The following CNTN6 variants were observed in gnomAD, a reference collection of about 807,000 sequenced individuals.
CNTN6 encodes contactin-6.
Under a neutral mutation model 122.8 loss-of-function variants are expected in CNTN6, and 137 were observed. That is an observed-to-expected ratio of 1.12 (90% confidence interval 0.97 to 1.29). The LOEUF is 1.29. Ranked by LOEUF, CNTN6 falls within the 50% of genes most tolerant of loss-of-function variation. The pLI is 0.00. For missense variants in CNTN6, 1,634 were observed against 1,223.4 expected, an observed-to-expected ratio of 1.34 and a Z score of -5.01; for synonymous variants, 570 against 426.0, an observed-to-expected ratio of 1.34 and a Z score of -4.16.
chr3:1,321,580 A>G (rs1004623743), intron 7 of CNTN6, 70 bp from the exon 8 acceptor site: 4 of 1,334,342 alleles, frequency 3.0e-6, no homozygotes, highest in Middle Eastern at 1.9e-4. Context: ...ATTTGTATGG[A>G]TGCTCTTCTT....
intron 8 of CNTN6, among the ~76,000 whole-genome samples, chr3:1,322,324 A>G (rs1403785363): frequency 2.0e-5 from 3 of 151,736 alleles, no homozygotes; most frequent in Non-Finnish European, 1.5e-5. Flanking sequence ...ATTTAAAATT[A>G]TGTTTGTCTC....
rs185783414 is a variant in CNTN6, at chr3:1,282,703, C to G, written c.454+4195C>G. Among the ~76,000 whole-genome samples the G allele has an allele frequency of 2.0e-5, 3 of 152,274 alleles. No homozygotes were observed. In the East Asian group the frequency reaches 5.8e-4, roughly 29 times the overall value. ...AAACTTCACTAAGATTCCTGTTAAA[C>G]GTCTCCTTCATTCCTCCTAAACGCT... On this transcript the variant is annotated intron_variant, in intron 5 of 22. Transcript: ENST00000446702.
intron 11 of CNTN6, among the ~76,000 whole-genome samples, chr3:1,330,249 C>T (rs908841611): frequency 3.3e-5 from 5 of 151,908 alleles, no homozygotes; most frequent in African/African-American, 9.7e-5. Flanking sequence ...GCTGAGAAAT[C>T]AGTGCGAATA....
At chr3:1,252,846 C>G (rs566634721) in intron 4 of CNTN6, among the ~76,000 whole-genome samples, 1 of 152,132 alleles carries the variant, frequency 6.6e-6, no homozygotes, top group African/African-American at 2.4e-5. Flanking sequence ...TCTCCGAGAA[C>G]CTTCAGGCTG....
intron 17 of CNTN6, among the ~76,000 whole-genome samples, chr3:1,381,939 A>G (rs1430250063): frequency 7.9e-6 from 1 of 125,878 alleles, no homozygotes; most frequent in African/African-American, 3.1e-5. Context: ...GGCGCTCGTG[A>G]ATTGGTGCTC....
Position 1,137,580 on chromosome 3 carries a change from A to C in CNTN6, c.-82-10347A>C, listed in dbSNP as rs145454673. Among the ~76,000 whole-genome samples, 589 of 152,240 alleles carry C rather than the reference A, an allele frequency of 3.9e-3. 4 individuals carry two copies. The highest frequency in any genetic ancestry group is 0.013 in the African/African-American group (558 of 41,544). ...AAATATTATTTATAATATACTAGAA[A>C]AGGTGTCATTTATCTATTCCTAGTC... On this transcript the variant is annotated intron_variant, in intron 1 of 22. Coordinates refer to ENST00000446702, the MANE Select transcript of CNTN6 (RefSeq NM_001289080.2).
At chr3:1,321,605 T>A (rs767498119) in intron 7 of CNTN6, 45 bp from the exon 8 acceptor site, 1 of 1,495,194 alleles carries the variant, frequency 6.7e-7, no homozygotes, top group East Asian at 2.4e-5. Flanking sequence ...TTTGCTGTCA[T>A]AAAGATTAAA....
chr3:1,401,569 A>T, intron 21 of CNTN6, 24 bp downstream of exon 21: 1 of 1,502,092 alleles, frequency 6.7e-7, no homozygotes, highest in South Asian at 1.2e-5. Flanking sequence ...TTTTCCTTTA[A>T]TCATATCAAT....
At chr3:1,144,149 T>C (rs888869396) in intron 1 of CNTN6, among the ~76,000 whole-genome samples, 7 of 152,196 alleles carry the variant, frequency 4.6e-5, no homozygotes, top group Admixed American at 2.0e-4. Flanking sequence ...GTGTTACACA[T>C]GGTGTTTATC....
At chr3:1,165,386 G>A (rs2093223826) in intron 2 of CNTN6, among the ~76,000 whole-genome samples, 1 of 152,098 alleles carries the variant, frequency 6.6e-6, no homozygotes, top group East Asian at 1.9e-4. Context: ...TTGCAAATGA[G>A]TTTCAATGGT....
At chr3:1,371,078 A>G (rs186315663) in intron 12 of CNTN6, among the ~76,000 whole-genome samples, 1 of 152,226 alleles carries the variant, frequency 6.6e-6, no homozygotes, top group East Asian at 1.9e-4. Context: ...CTAAATATTT[A>G]TGAATGAAGA....
intron 2 of CNTN6, among the ~76,000 whole-genome samples, chr3:1,197,858 C>T (rs2093801180): frequency 6.6e-6 from 1 of 152,114 alleles, no homozygotes; most frequent in East Asian, 1.9e-4. Context: ...ATTACGTGTG[C>T]TAATTATCTG....
intron 2 of CNTN6, among the ~76,000 whole-genome samples, chr3:1,178,460 CT>C (rs2093493115): frequency 6.6e-6 from 1 of 152,110 alleles, no homozygotes; most frequent in African/African-American, 2.4e-5. Context: ...AATTAGCCTG[CT>C]GATGATGCAT....
intron 5 of CNTN6, among the ~76,000 whole-genome samples, chr3:1,285,572 A>G (rs1304765358): frequency 6.6e-6 from 1 of 152,194 alleles, no homozygotes. Context: ...TAAACTTAGC[A>G]TTTGCAATAC....
At chr3:1,223,728 C>G (rs1002780018) in intron 3 of CNTN6, among the ~76,000 whole-genome samples, 14 of 152,168 alleles carry the variant, frequency 9.2e-5, no homozygotes, top group Non-Finnish European at 1.8e-4. Context: ...ACAATCTTCT[C>G]TCTACCTGGT....
intron 2 of CNTN6, among the ~76,000 whole-genome samples, chr3:1,184,777 G>A (rs545928669): frequency 3.3e-5 from 5 of 152,030 alleles, no homozygotes; most frequent in Non-Finnish European, 7.4e-5. Flanking sequence ...TGAAACTTAC[G>A]TAGCCCAGGC....
chr3:1,257,500 A>AG (rs1294583200), intron 4 of CNTN6, among the ~76,000 whole-genome samples: 9 of 152,050 alleles, frequency 5.9e-5, no homozygotes, highest in Non-Finnish European at 1.2e-4. Context: ...ATTCACCTTG[A>AG]ATTTTTTGTA....
intron 4 of CNTN6, among the ~76,000 whole-genome samples, chr3:1,253,916 A>T (rs537214444): frequency 6.6e-6 from 1 of 152,178 alleles, no homozygotes; most frequent in African/African-American, 2.4e-5. Context: ...CCATAAGTCT[A>T]TTATATAAAA....
intron 11 of CNTN6, among the ~76,000 whole-genome samples, chr3:1,332,080 G>A (rs1443189542): frequency 1.3e-5 from 2 of 151,662 alleles, no homozygotes; most frequent in Non-Finnish European, 2.9e-5. Flanking sequence ...ATTGCTTCAG[G>A]GTTTCACTGC....
Sources: allele counts gnomAD v4.1 joint callset (sites outside exome capture counted in the v4.1 genomes callset), GRCh38; gene constraint gnomAD v4.1.1; transcripts MANE v1.5; gene names NCBI Gene and HGNC (gene_info 2026-07-23, HGNC 2026-07-21).